Variants in NKAIN3 observed in about 807,000 individuals in gnomAD.
NKAIN3 encodes the protein sodium/potassium transporting ATPase interacting 3, also known as sodium/potassium-transporting ATPase subunit beta-1-interacting protein 3.
NKAIN3 carries 25 observed loss-of-function variants against 30.2 expected under a neutral mutation model. The observed-to-expected ratio is 0.83, with a 90% confidence interval of 0.60 to 1.16. NKAIN3 has a LOEUF of 1.16. Ranked by LOEUF, NKAIN3 falls within the 50% of genes most tolerant of loss-of-function variation. The pLI is 0.00. For synonymous variants in NKAIN3, 91 were observed against 89.6 expected (o/e 1.02, Z -0.09); for missense variants, 225 against 254.1 (o/e 0.89, Z 0.78).
At chr8:62,810,739 G>A (rs1818461208) in intron 4 of NKAIN3, among the ~76,000 whole-genome samples, 1 of 146,306 alleles carries the variant, frequency 6.8e-6, no homozygotes, top group Non-Finnish European at 1.5e-5. Context: ...ATGCCTGCAT[G>A]TAGGTATGTA....
chr8:62,990,212 C>T, intron 5 of NKAIN3: 1 of 1,549,742 alleles, frequency 6.5e-7, no homozygotes, highest in Non-Finnish European at 8.8e-7. Flanking sequence ...TATCCAGATG[C>T]TGCAAATTAT....
intron 4 of NKAIN3, among the ~76,000 whole-genome samples, chr8:62,839,911 C>T (rs13259245): frequency 0.6 from 91,721 of 151,998 alleles, 28,504 homozygotes; most frequent in Non-Finnish European, 0.7. Flanking sequence ...CCACACCCAG[C>T]CTGCCTAAGA....
At chr8:62,609,240 A>G (rs552473630) in intron 3 of NKAIN3, among the ~76,000 whole-genome samples, 20 of 152,250 alleles carry the variant, frequency 1.3e-4, no homozygotes, top group Non-Finnish European at 2.4e-4. Context: ...TTTATATTGT[A>G]TTTTCCCTCA....
intron 4 of NKAIN3, among the ~76,000 whole-genome samples, chr8:62,792,726 C>A (rs905265273): frequency 1.3e-5 from 2 of 152,002 alleles, no homozygotes; most frequent in Non-Finnish European, 2.9e-5. Context: ...TAAGCTGACA[C>A]ATGAATAAGT....
chr8:62,436,232 A>C (rs1394605731), intron 1 of NKAIN3, among the ~76,000 whole-genome samples: 2 of 152,208 alleles, frequency 1.3e-5, no homozygotes, highest in East Asian at 3.9e-4. Context: ...TTAAAGTGCC[A>C]ACAATAGTTC....
chr8:62,547,415 T>C (rs1293553786), intron 1 of NKAIN3, among the ~76,000 whole-genome samples: 2 of 152,158 alleles, frequency 1.3e-5, no homozygotes, highest in Non-Finnish European at 2.9e-5. Flanking sequence ...TCATTAATAA[T>C]AGTAAAAATA....
intron 4 of NKAIN3, among the ~76,000 whole-genome samples, chr8:62,862,526 A>T (rs989117149): frequency 8.5e-5 from 13 of 152,136 alleles, no homozygotes; most frequent in Non-Finnish European, 1.9e-4. Flanking sequence ...TTCAGGGACA[A>T]AAAAAGGAAA....
intron 1 of NKAIN3, among the ~76,000 whole-genome samples, chr8:62,444,646 G>C (rs1195407796): frequency 4.0e-5 from 6 of 151,886 alleles, no homozygotes; most frequent in Non-Finnish European, 7.4e-5. Context: ...CCATATTTTG[G>C]CTATTGTAAA....
Position 62,553,686 on chromosome 8 carries a change from A to G in NKAIN3, c.55-25853A>G, listed in dbSNP as rs527494972. On this transcript the variant is annotated intron_variant, in intron 1 of 6. Coordinates refer to ENST00000623646, the MANE Select transcript of NKAIN3 (RefSeq NM_001304533.3). ...CGAACAGCTGGGATTACAGGCACCC[A>G]CCAACACACCCGGCTAATTTTTGTA... Among the ~76,000 whole-genome samples, 24 of 151,594 alleles carry G rather than the reference A, an allele frequency of 1.6e-4. 1 individual carries two copies. In the South Asian group the frequency reaches 5.0e-3, roughly 32 times the overall value.
intron 1 of NKAIN3, among the ~76,000 whole-genome samples, chr8:62,277,482 C>T (rs1473231614): frequency 6.6e-6 from 1 of 152,114 alleles, no homozygotes; most frequent in Non-Finnish European, 1.5e-5. Context: ...CTTCTGTGGG[C>T]TTTGGTGGTG....
chr8:62,650,341 C>G (rs1053940039), intron 3 of NKAIN3, among the ~76,000 whole-genome samples: 1 of 152,076 alleles, frequency 6.6e-6, no homozygotes, highest in Non-Finnish European at 1.5e-5. Context: ...GGTCTTGGTG[C>G]CTATAGTCAC....
chr8:62,709,557 A>C (rs777272221), intron 3 of NKAIN3, among the ~76,000 whole-genome samples: 1 of 152,094 alleles, frequency 6.6e-6, no homozygotes, highest in Non-Finnish European at 1.5e-5. Flanking sequence ...CAGTGGTGTC[A>C]GTTGTAATAT....
At chr8:62,505,324 A>G (rs1385760399) in intron 1 of NKAIN3, among the ~76,000 whole-genome samples, 2 of 152,186 alleles carry the variant, frequency 1.3e-5, no homozygotes, top group Admixed American at 1.3e-4. Context: ...CCTACTCAGA[A>G]AAAAATTATG....
intron 4 of NKAIN3, chr8:62,864,242 A>C: frequency 1.2e-6 from 1 of 801,326 alleles, no homozygotes; most frequent in Non-Finnish European, 2.1e-6. Flanking sequence ...CAGCAGGATT[A>C]GAGGAGGCGG....
intron 5 of NKAIN3, among the ~76,000 whole-genome samples, chr8:62,921,330 T>A (rs1223237679): frequency 6.6e-6 from 1 of 152,210 alleles, no homozygotes; most frequent in Non-Finnish European, 1.5e-5. Context: ...TGAAAATTTC[T>A]GCATTATTCA....
chr8:62,723,802 C>T (rs111869204), intron 3 of NKAIN3, among the ~76,000 whole-genome samples: 90 of 152,142 alleles, frequency 5.9e-4, no homozygotes, highest in Non-Finnish European at 6.5e-4. Context: ...ATCTGACACA[C>T]TTTAAAAGTA....
intron 4 of NKAIN3, among the ~76,000 whole-genome samples, chr8:62,805,787 C>A (rs907436998): frequency 5.3e-5 from 8 of 152,040 alleles, no homozygotes; most frequent in Non-Finnish European, 5.9e-5. Context: ...GCAACAAAAG[C>A]CAAAATGGAC....
chr8:62,797,459 T>C (rs1044698728), intron 4 of NKAIN3, among the ~76,000 whole-genome samples: 1 of 152,190 alleles, frequency 6.6e-6, no homozygotes, highest in African/African-American at 2.4e-5. Context: ...TCATCCTTTT[T>C]ATACTTGAGA....
At chr8:62,744,036 G>A (rs945244632) in intron 3 of NKAIN3, among the ~76,000 whole-genome samples, 27 of 152,122 alleles carry the variant, frequency 1.8e-4, no homozygotes, top group Admixed American at 1.2e-3. Context: ...GTTCTGGTTC[G>A]TTCTGGTTCT....
Sources: allele counts gnomAD v4.1 joint callset (sites outside exome capture counted in the v4.1 genomes callset), GRCh38; gene constraint gnomAD v4.1.1; transcripts MANE v1.5; gene names NCBI Gene and HGNC (gene_info 2026-07-23, HGNC 2026-07-21).